Variants in MARCHF1 observed in about 807,000 individuals in gnomAD.
The protein encoded by MARCHF1 is E3 ubiquitin-protein ligase MARCHF1.
MARCHF1 carries 40 observed loss-of-function variants against 54.2 expected under a neutral mutation model. The observed-to-expected ratio is 0.74, with a 90% CI of 0.57 to 0.96. The LOEUF (loss-of-function observed/expected upper bound fraction) is 0.96. Among genes scored for constraint, MARCHF1 ranks in the 40% least tolerant of loss-of-function variants. MARCHF1 has a pLI of 0.00. For synonymous variants in MARCHF1, 236 were observed against 236.3 expected (o/e 1.00, Z 0.01); for missense variants, 586 against 656.5 (o/e 0.89, Z 1.17).
intron 2 of MARCHF1, among the ~76,000 whole-genome samples, chr4:164,069,750 C>T (rs1754821869): frequency 6.6e-6 from 1 of 152,128 alleles, no homozygotes; most frequent in Non-Finnish European, 1.5e-5. Context: ...CAATTCTGGA[C>T]ACACCATTAC....
At chr4:164,109,860 A>G (rs1465992479) in intron 2 of MARCHF1, among the ~76,000 whole-genome samples, 1 of 136,934 alleles carries the variant, frequency 7.3e-6, no homozygotes, top group East Asian at 2.1e-4. Flanking sequence ...CCGGGACAAG[A>G]GTTTACCTAT....
intron 2 of MARCHF1, among the ~76,000 whole-genome samples, chr4:164,047,722 T>A (rs1390722009): frequency 6.6e-6 from 1 of 152,222 alleles, no homozygotes; most frequent in African/African-American, 2.4e-5. Context: ...TAAGATCATA[T>A]CCATCCTTCA....
chr4:163,896,274 T>TG lies in MARCHF1; in HGVS notation c.-38-42106dup, dbSNP rs201533850. Reference sequence around the variant, plus strand: ...GAAGAACAGAATCTACAGGATTCAGTGGGGATCTGGCTGTTTTCTTTCACC... The same window carrying TG: ...GAAGAACAGAATCTACAGGATTCAGTGGGGGATCTGGCTGTTTTCTTTCACC... On this transcript the variant is annotated intron_variant, in intron 3 of 9. Coordinates refer to ENST00000514618, the MANE Select transcript of MARCHF1 (RefSeq NM_001394959.1). Among the ~76,000 whole-genome samples, 990 of 152,282 alleles carry TG rather than the reference T, an allele frequency of 6.5e-3. 7 individuals carry two copies. Among genetic ancestry groups the TG allele is most frequent in the East Asian group, 0.023 (117 of 5,188 alleles).
At chr4:164,371,778 A>G (rs1731044444) in intron 1 of MARCHF1, among the ~76,000 whole-genome samples, 1 of 152,208 alleles carries the variant, frequency 6.6e-6, no homozygotes, top group Non-Finnish European at 1.5e-5. Context: ...ATAGATCTCT[A>G]AAGATTTGTT....
At chr4:164,146,493 G>C (rs1029979862) in intron 1 of MARCHF1, among the ~76,000 whole-genome samples, 1 of 152,150 alleles carries the variant, frequency 6.6e-6, no homozygotes, top group East Asian at 1.9e-4. Flanking sequence ...CAATGGATCA[G>C]AACAGAGCCC....
chr4:163,750,323 A>G (rs2110775639), intron 4 of MARCHF1, among the ~76,000 whole-genome samples: 1 of 151,992 alleles, frequency 6.6e-6, no homozygotes, highest in Non-Finnish European at 1.5e-5. Flanking sequence ...CATCCTGGCT[A>G]ACACGGTGAA....
intron 3 of MARCHF1, among the ~76,000 whole-genome samples, chr4:163,891,996 T>G (rs995848074): frequency 1.3e-5 from 2 of 152,102 alleles, no homozygotes; most frequent in Admixed American, 6.5e-5. Flanking sequence ...TCTCAATAGA[T>G]TCAACAGATT....
At chr4:164,370,775 G>A (rs1289716897) in intron 1 of MARCHF1, among the ~76,000 whole-genome samples, 1 of 152,122 alleles carries the variant, frequency 6.6e-6, no homozygotes, top group Non-Finnish European at 1.5e-5. Flanking sequence ...GGGCGTGATA[G>A]CGTGCCCCTG....
At chr4:163,748,970 A>G (rs1746441184) in intron 4 of MARCHF1, among the ~76,000 whole-genome samples, 1 of 152,336 alleles carries the variant, frequency 6.6e-6, no homozygotes, top group African/African-American at 2.4e-5. Flanking sequence ...TGAACGTGTA[A>G]GGGTCAAGAG....
At chr4:163,737,965 T>C (rs1438342669) in intron 4 of MARCHF1, among the ~76,000 whole-genome samples, 1 of 76,352 alleles carries the variant, frequency 1.3e-5, no homozygotes, top group Non-Finnish European at 4.6e-5. Context: ...CACACGTATG[T>C]TTATTGCGGC....
chr4:163,695,793 T>C (rs1393619640), intron 5 of MARCHF1, among the ~76,000 whole-genome samples: 1 of 152,150 alleles, frequency 6.6e-6, no homozygotes, highest in Non-Finnish European at 1.5e-5. Flanking sequence ...CATATTACAC[T>C]GTTGCTAGTT....
chr4:163,800,186 T>A (rs1032427706), intron 4 of MARCHF1, among the ~76,000 whole-genome samples: 7 of 151,992 alleles, frequency 4.6e-5, no homozygotes, highest in Non-Finnish European at 8.8e-5. Context: ...TGATTATACC[T>A]GGGGAATGGA....
chr4:164,227,427 C>T (rs1732290113), intron 1 of MARCHF1, among the ~76,000 whole-genome samples: 1 of 152,050 alleles, frequency 6.6e-6, no homozygotes, highest in Non-Finnish European at 1.5e-5. Flanking sequence ...GGTGGGGACA[C>T]AGAGCCAAAC....
intron 1 of MARCHF1, among the ~76,000 whole-genome samples, chr4:164,262,858 T>C (rs1262000181): frequency 6.6e-6 from 1 of 152,194 alleles, no homozygotes; most frequent in African/African-American, 2.4e-5. Context: ...AAAGGATATA[T>C]TATGAGTGAT....
intron 5 of MARCHF1, among the ~76,000 whole-genome samples, chr4:163,614,760 C>A (rs1482509534): frequency 6.6e-6 from 1 of 152,002 alleles, no homozygotes. Flanking sequence ...TTAAGTTAAC[C>A]ATCTTGAGTT....
chr4:164,117,370 CT>C (rs1415149181), intron 1 of MARCHF1, among the ~76,000 whole-genome samples: 1 of 151,858 alleles, frequency 6.6e-6, no homozygotes, highest in Non-Finnish European at 1.5e-5. Flanking sequence ...AGGCTTATCC[CT>C]TTTTAATGGA....
intron 1 of MARCHF1, chr4:164,188,579 T>C (rs1432594568): frequency 1.2e-5 from 10 of 805,338 alleles, no homozygotes; most frequent in Non-Finnish European, 2.3e-5. Context: ...CTATGTGCCC[T>C]TCACTCTTGA....
intron 2 of MARCHF1, among the ~76,000 whole-genome samples, chr4:164,100,960 A>C (rs1048813522): frequency 1.3e-5 from 2 of 152,236 alleles, no homozygotes; most frequent in African/African-American, 4.8e-5. Context: ...GAAGCGCAAG[A>C]GGTCAGGGAT....
intron 1 of MARCHF1, among the ~76,000 whole-genome samples, chr4:164,330,327 T>C (rs969972435): frequency 3.3e-5 from 5 of 152,142 alleles, no homozygotes; most frequent in South Asian, 2.1e-4. Context: ...TCCCTTCCTA[T>C]AGGCAACCAA....
Sources: gnomAD v4.1 joint callset for allele counts (sites outside exome capture counted in the v4.1 genomes callset) on GRCh38, gnomAD v4.1.1 for gene constraint, MANE v1.5 for transcripts, NCBI Gene and HGNC (gene_info 2026-07-23, HGNC 2026-07-21) for gene names.